OPA1: variants seen among roughly 807,000 people sequenced by gnomAD.
OPA1 encodes the protein dynamin-like GTPase OPA1, mitochondrial.
OPA1 carries 59 observed loss-of-function variants against 152.9 expected under a neutral mutation model. That is an observed-to-expected ratio of 0.39 (90% CI 0.31 to 0.48). OPA1 has a LOEUF of 0.48. Among genes scored for constraint, OPA1 ranks in the 20% least tolerant of loss-of-function variants. The pLI is 0.96. For synonymous variants in OPA1, 400 were observed against 389.9 expected, an observed-to-expected ratio of 1.03 and a Z score of -0.31; for missense variants, 1,008 against 1,216.8, an observed-to-expected ratio of 0.83 and a Z score of 2.55.
intron 29 of OPA1, among the ~76,000 whole-genome samples, chr3:193,673,672 G>C (rs1163148901): frequency 1.3e-5 from 2 of 152,106 alleles, no homozygotes; most frequent in Non-Finnish European, 2.9e-5. Context: ...GCTTTTTGTT[G>C]AGCTGGATTG....
intron 8 of OPA1, among the ~76,000 whole-genome samples, chr3:193,633,959 A>C (rs1310354952): frequency 6.6e-6 from 1 of 152,110 alleles, no homozygotes; most frequent in Non-Finnish European, 1.5e-5. Context: ...TGCCTGTCTC[A>C]TACTATGTAG....
intron 11 of OPA1, 41 bp downstream of exon 11, chr3:193,638,106 T>A: frequency 7.2e-7 from 1 of 1,387,150 alleles, no homozygotes; most frequent in Non-Finnish European, 1.0e-6. Flanking sequence ...CTTAGGAGAG[T>A]AACTGCTTCA....
At chr3:193,645,646 A>G (rs1734462271) in intron 17 of OPA1, 21 bp downstream of exon 17, 3 of 1,608,076 alleles carry the variant, frequency 1.9e-6, no homozygotes, top group South Asian at 1.1e-5. Flanking sequence ...ATGGATTATA[A>G]TAACTTATTT....
At chr3:193,694,313 A>G (rs533262165) in intron 30 of OPA1, among the ~76,000 whole-genome samples, 1 of 152,348 alleles carries the variant, frequency 6.6e-6, no homozygotes, top group East Asian at 1.9e-4. Flanking sequence ...GTTTTAACAC[A>G]TAGGATTCCT....
At chr3:193,606,261 C>G (rs1191902082) in intron 1 of OPA1, among the ~76,000 whole-genome samples, 1 of 151,906 alleles carries the variant, frequency 6.6e-6, no homozygotes, top group Non-Finnish European at 1.5e-5. Flanking sequence ...CAAAGTGTGA[C>G]TTAAAAAAAT....
intron 1 of OPA1, among the ~76,000 whole-genome samples, chr3:193,595,454 T>C (rs1039384793): frequency 6.6e-5 from 10 of 152,230 alleles, no homozygotes; most frequent in Non-Finnish European, 1.5e-4. Flanking sequence ...CATACTTGAT[T>C]TTTAGTTTTG....
chr3:193,626,026 G>T, intron 6 of OPA1, 66 bp from the exon 7 acceptor site: 1 of 1,184,208 alleles, frequency 8.4e-7, no homozygotes. Flanking sequence ...TTCCTTTGTT[G>T]CACCCTTGGT....
At chr3:193,684,085 C>T (rs1806741) in intron 29 of OPA1, among the ~76,000 whole-genome samples, 65,429 of 151,864 alleles carry the variant, frequency 0.43, 14,369 homozygotes, top group Non-Finnish European at 0.43. Context: ...GGGTCTTCTT[C>T]GTACGCACAA....
At chr3:193,647,036 C>T in intron 18 of OPA1, 29 bp from the exon 19 acceptor site, 2 of 1,437,080 alleles carry the variant, frequency 1.4e-6, no homozygotes, top group Non-Finnish European at 1.9e-6. Context: ...TTTTAATATA[C>T]TTTAGCTCTT....
chr3:193,623,160 C>A (rs1730462545), intron 6 of OPA1, among the ~76,000 whole-genome samples: 1 of 152,120 alleles, frequency 6.6e-6, no homozygotes, highest in Non-Finnish European at 1.5e-5. Context: ...TATATCCTTA[C>A]ATAGCAAAAG....
At chr3:193,621,090 T>C (rs1729975213) in intron 6 of OPA1, among the ~76,000 whole-genome samples, 1 of 152,244 alleles carries the variant, frequency 6.6e-6, no homozygotes, top group African/African-American at 2.4e-5. Flanking sequence ...CAGTCAAGTA[T>C]TAGTTTAATG....
In OPA1 at chr3:193,631,249, A is replaced by T. The variant is rs1732026420; in HGVS notation, c.790-363A>T. ...ATTTCTGGAGGGATATCAGTGCTTTATTTCCCCAAATATCTGAATCCCTAT... is the reference window on the plus strand; with the variant it reads ...ATTTCTGGAGGGATATCAGTGCTTTTTTTCCCCAAATATCTGAATCCCTAT... On this transcript the variant is annotated intron_variant, in intron 7 of 30. Transcript: ENST00000361510. Among the ~76,000 whole-genome samples, 3 of 152,180 alleles carry T rather than the reference A, an allele frequency of 2.0e-5. No homozygotes were observed. In the South Asian group the frequency reaches 6.2e-4, roughly 32 times the overall value.
chr3:193,606,983 A>C (rs1306956159), intron 1 of OPA1, among the ~76,000 whole-genome samples: 1 of 152,090 alleles, frequency 6.6e-6, no homozygotes, highest in Non-Finnish European at 1.5e-5. Context: ...TTGGTATCTC[A>C]TTGTGGTTTT....
chr3:193,674,869 G>C (rs1455226146), intron 29 of OPA1, among the ~76,000 whole-genome samples: 1 of 152,148 alleles, frequency 6.6e-6, no homozygotes, highest in Non-Finnish European at 1.5e-5. Context: ...TGTAGAAAGG[G>C]GAAGTGATGT....
At chr3:193,596,672 TTTGA>T (rs2108775375) in intron 1 of OPA1, 1 of 152,342 alleles carries the variant, frequency 6.6e-6, no homozygotes, top group East Asian at 1.9e-4. Flanking sequence ...TCTATTGTTC[TTTGA>T]TTGCTGTTTT....
chr3:193,665,066 T>G, intron 27 of OPA1, 70 bp downstream of exon 27: 1 of 851,114 alleles, frequency 1.2e-6, no homozygotes, highest in Non-Finnish European at 2.0e-6. Context: ...AAAGTAAACT[T>G]TAGCTTAAGC....
intron 7 of OPA1, among the ~76,000 whole-genome samples, chr3:193,630,248 A>G (rs1020458556): frequency 7.3e-6 from 1 of 136,096 alleles, no homozygotes; most frequent in East Asian, 2.0e-4. Flanking sequence ...AAAAGCTTCT[A>G]TCAGCAGATC....
At chr3:193,617,732 C>A in intron 4 of OPA1, 52 bp from the exon 5 acceptor site, 1 of 1,336,188 alleles carries the variant, frequency 7.5e-7, no homozygotes, top group Non-Finnish European at 1.1e-6. Context: ...TTTGTTTGCT[C>A]ATTTCTGTTA....
intron 1 of OPA1, among the ~76,000 whole-genome samples, chr3:193,597,383 C>G (rs566923551): frequency 3.9e-5 from 6 of 152,122 alleles, no homozygotes; most frequent in African/African-American, 1.4e-4. Context: ...AGAGCTGTTT[C>G]GCTGAAGTGA....
Sources: allele counts gnomAD v4.1 joint callset (sites outside exome capture counted in the v4.1 genomes callset), GRCh38; gene constraint gnomAD v4.1.1; transcripts MANE v1.5; gene names NCBI Gene and HGNC (gene_info 2026-07-23, HGNC 2026-07-21).